FHIT: variants seen among roughly 807,000 people sequenced by gnomAD.
The protein encoded by FHIT is fragile histidine triad diadenosine triphosphatase.
A neutral mutation model predicts 17.9 loss-of-function variants in FHIT; 19 were observed. The ratio of observed to expected loss-of-function variants is 1.06; its 90% confidence interval spans 0.74 to 1.56. FHIT has a LOEUF of 1.56. FHIT is among the 40% of genes most tolerant of loss of function. The pLI is 0.00. For missense variants in FHIT, 248 were observed against 189.2 expected (o/e 1.31, Z -1.82); for synonymous variants, 81 against 69.7 (o/e 1.16, Z -0.81).
intron 2 of FHIT, among the ~76,000 whole-genome samples, chr3:61,186,445 G>A (rs2038513014): frequency 6.6e-6 from 1 of 152,226 alleles, no homozygotes; most frequent in Admixed American, 6.5e-5. Flanking sequence ...GAGGAATACA[G>A]TTAGTCTCTA....
intron 5 of FHIT, among the ~76,000 whole-genome samples, chr3:60,025,904 T>C (rs946402892): frequency 6.6e-6 from 1 of 152,136 alleles, no homozygotes; most frequent in Non-Finnish European, 1.5e-5. Context: ...AAACAACAAC[T>C]GCTACTCAGC....
At chr3:60,789,162 A>G (rs1268550274) in intron 4 of FHIT, among the ~76,000 whole-genome samples, 13 of 118,900 alleles carry the variant, frequency 1.1e-4, no homozygotes, top group African/African-American at 4.1e-4. Flanking sequence ...GTGTGTATAT[A>G]TATATATATA....
chr3:60,968,614 T>C (rs1394423826), intron 3 of FHIT, among the ~76,000 whole-genome samples: 3 of 152,166 alleles, frequency 2.0e-5, no homozygotes, highest in Non-Finnish European at 2.9e-5. Context: ...GATTTCACCA[T>C]AGTGGCCAGG....
chr3:61,058,163 A>G lies in FHIT; in HGVS notation c.-163-16064T>C, dbSNP rs151132757. On this transcript the variant is annotated intron_variant, in intron 2 of 9. Coordinates refer to ENST00000492590, the MANE Select transcript of FHIT (RefSeq NM_002012.4). ...CTGCCTGGCACGTAATAAGTTCTCC[A>G]TAAACGTGAGCCATGAGTTTTATGA... 3.8e-4 allele frequency among the ~76,000 whole-genome samples: 58 copies of G among 152,330 alleles called. 1 individual carries two copies. The East Asian group carries it at 0.01, about 27-fold the overall frequency.
intron 5 of FHIT, among the ~76,000 whole-genome samples, chr3:60,377,732 C>T (rs1378879547): frequency 6.6e-6 from 1 of 151,866 alleles, no homozygotes; most frequent in East Asian, 2.0e-4. Context: ...CCACCCGCCT[C>T]GGCCTCCCAA....
At chr3:60,583,280 T>C (rs1248685203) in intron 4 of FHIT, among the ~76,000 whole-genome samples, 2 of 152,016 alleles carry the variant, frequency 1.3e-5, no homozygotes, top group South Asian at 2.1e-4. Context: ...GGCATTCCCA[T>C]TGCTATGTCT....
intron 5 of FHIT, among the ~76,000 whole-genome samples, chr3:60,257,780 A>C (rs1416497225): frequency 6.6e-6 from 1 of 152,168 alleles, no homozygotes; most frequent in East Asian, 1.9e-4. Flanking sequence ...TATCCTTAGC[A>C]AACTAACTCA....
At chr3:60,259,821 A>G (rs1341229123) in intron 5 of FHIT, among the ~76,000 whole-genome samples, 2 of 152,052 alleles carry the variant, frequency 1.3e-5, no homozygotes, top group Non-Finnish European at 2.9e-5. Flanking sequence ...TGGAATCCAG[A>G]GTGAGGTGGA....
chr3:61,179,707 CAAAAAAA>C (rs779180597), intron 2 of FHIT, among the ~76,000 whole-genome samples: 1 of 28,994 alleles, frequency 3.4e-5, no homozygotes, highest in African/African-American at 1.3e-4. Context: ...GACCCTATCT[CAAAAAAA>C]AAAAAAAAAA....
intron 4 of FHIT, among the ~76,000 whole-genome samples, chr3:60,702,038 T>C (rs1309589299): frequency 6.6e-6 from 1 of 152,186 alleles, no homozygotes; most frequent in Non-Finnish European, 1.5e-5. Context: ...ATTTTTTGTA[T>C]ATTTTATACA....
intron 1 of FHIT, among the ~76,000 whole-genome samples, chr3:61,239,161 A>G (rs2040305567): frequency 6.6e-6 from 1 of 152,204 alleles, no homozygotes; most frequent in African/African-American, 2.4e-5. Context: ...AGAGAGGTCT[A>G]GACAGCAAAC....
At chr3:61,137,768 G>A (rs1380470720) in intron 2 of FHIT, among the ~76,000 whole-genome samples, 2 of 152,146 alleles carry the variant, frequency 1.3e-5, no homozygotes, top group East Asian at 3.9e-4. Context: ...AGACACTGAG[G>A]TCTGGATCCT....
intron 3 of FHIT, among the ~76,000 whole-genome samples, chr3:61,022,802 T>G (rs1472672012): frequency 6.6e-6 from 1 of 152,180 alleles, no homozygotes; most frequent in African/African-American, 2.4e-5. Context: ...CACTCCTTCA[T>G]GCTAAAAACG....
chr3:60,785,588 A>G (rs6794160), intron 4 of FHIT, among the ~76,000 whole-genome samples: 45,455 of 152,048 alleles, frequency 0.3, 9,019 homozygotes, highest in African/African-American at 0.57. Flanking sequence ...CCAGAGAAAA[A>G]GACAGCAATT....
At chr3:61,073,577 T>C (rs1176277032) in intron 2 of FHIT, among the ~76,000 whole-genome samples, 1 of 152,212 alleles carries the variant, frequency 6.6e-6, no homozygotes, top group Non-Finnish European at 1.5e-5. Context: ...CTAAAAAATA[T>C]GGACAAGTGG....
chr3:60,553,692 C>G (rs1320299129), intron 4 of FHIT, among the ~76,000 whole-genome samples: 1 of 151,742 alleles, frequency 6.6e-6, no homozygotes, highest in East Asian at 1.9e-4. Context: ...ACATTTAGAA[C>G]TACTTTTGTC....
chr3:61,199,436 T>G (rs1170760555), intron 2 of FHIT, among the ~76,000 whole-genome samples: 1 of 152,220 alleles, frequency 6.6e-6, no homozygotes, highest in Non-Finnish European at 1.5e-5. Flanking sequence ...CTGCTTAAGA[T>G]AGTAATTTCT....
intron 4 of FHIT, among the ~76,000 whole-genome samples, chr3:60,765,887 T>C (rs943811795): frequency 5.9e-5 from 9 of 152,212 alleles, no homozygotes; most frequent in Non-Finnish European, 1.0e-4. Context: ...CCATGCTGGA[T>C]GCCTCCTCCC....
At chr3:60,452,946 A>C (rs369278) in intron 5 of FHIT, among the ~76,000 whole-genome samples, 77,076 of 151,640 alleles carry the variant, frequency 0.51, 22,083 homozygotes, top group African/African-American at 0.77. Flanking sequence ...GAAAAATGGA[A>C]AATTAGTCAT....
Sources: allele counts gnomAD v4.1 joint callset (sites outside exome capture counted in the v4.1 genomes callset), GRCh38; gene constraint gnomAD v4.1.1; transcripts MANE v1.5; gene names NCBI Gene and HGNC (gene_info 2026-07-23, HGNC 2026-07-21).